CLIP2: variants seen among roughly 807,000 people sequenced by gnomAD.
CLIP2 encodes CAP-Gly domain containing linker protein 2, also known as CAP-Gly domain-containing linker protein 2.
Under a neutral mutation model 111.7 loss-of-function variants are expected in CLIP2, and 41 were observed. That is an observed-to-expected ratio of 0.37 (90% CI 0.29 to 0.48). The LOEUF is 0.48. Ranked by LOEUF, CLIP2 falls within the 20% of genes least tolerant of loss-of-function variation. CLIP2 has a pLI of 0.99. For missense variants in CLIP2, 1,160 were observed against 1,422.1 expected, an observed-to-expected ratio of 0.82 and a Z score of 2.96; for synonymous variants, 660 against 644.2, an observed-to-expected ratio of 1.02 and a Z score of -0.37.
chr7:74,369,401 C>G (rs1790543680), intron 8 of CLIP2, among the ~76,000 whole-genome samples: 3 of 151,078 alleles, frequency 2.0e-5, no homozygotes, highest in Non-Finnish European at 4.4e-5. Context: ...AAAAATCCAC[C>G]AGGCATGGTA....
rs782614967 is a variant in CLIP2, at chr7:74,376,018, C to T, written c.1617C>T (p.Ala539=). 12 of 1,612,682 alleles carry T rather than the reference C, an allele frequency of 7.4e-6. No individual in the cohort carries two copies. The highest frequency in any genetic ancestry group is 4.0e-5 in the African/African-American group (3 of 74,922). ...SGPPPPDHPD[A]AEILRLRERL... is the part of the protein sequence containing the mutation. Reference sequence around the variant, plus strand: ...CCCCACCTCCGGACCACCCAGACGCCGCCGAGATCCTGCGGCTACGGGAGC... The same window carrying T: ...CCCCACCTCCGGACCACCCAGACGCTGCCGAGATCCTGCGGCTACGGGAGC... The change falls in exon 10 of 17, where the codon GCC becomes GCT. Residue 539 remains alanine (A), a synonymous_variant. Coordinates refer to ENST00000223398, the MANE Select transcript of CLIP2 (RefSeq NM_003388.5). The surrounding 1 kb of genome is among the most constrained non-coding windows in gnomAD (Gnocchi z 7.1).
chr7:74,314,198 T>G (rs75326091), intron 1 of CLIP2, among the ~76,000 whole-genome samples: 10 of 90,476 alleles, frequency 1.1e-4, no homozygotes, highest in Admixed American at 1.1e-4. Context: ...AAAAAAAAAT[T>G]GGGGAAAAGG....
intron 11 of CLIP2, among the ~76,000 whole-genome samples, chr7:74,381,967 C>G (rs1790956440): frequency 6.6e-6 from 1 of 152,202 alleles, no homozygotes; most frequent in Admixed American, 6.5e-5. Flanking sequence ...TGTTTCCCCT[C>G]AAACTCCCAT....
chr7:74,354,036 G>A (rs1243821090), intron 4 of CLIP2, 32 bp downstream of exon 4: 1 of 1,590,092 alleles, frequency 6.3e-7, no homozygotes, highest in Non-Finnish European at 8.6e-7. Flanking sequence ...GAGTATGGGA[G>A]GGGGCTCCTC....
Position 74,373,008 on chromosome 7 carries a change from G to C in CLIP2, c.1457G>C (p.Arg486Pro). ...CTACTGGAGAAGGCGCAGGCCGAGC[G>C]GCTGCTCCGAGAATTAGCGGACAAC... Reference protein sequence around the residue: ...SLLLEKAQAERLLRELADNRL... With the variant: ...SLLLEKAQAEPLLRELADNRL... The change falls in exon 9 of 17, where the codon CGG becomes CCG. Residue 486 changes from arginine (R) to proline (P), a missense_variant. This residue lies in a region of CLIP2 where 676 missense variants were observed against 777.8 expected (regional missense o/e 0.87). Transcript: ENST00000223398. 1 of 1,592,352 alleles carries C rather than the reference G, an allele frequency of 6.3e-7. No homozygotes were observed. Among genetic ancestry groups the C allele is most frequent in the Non-Finnish European group, 8.5e-7 (1 of 1,171,528 alleles).
intron 2 of CLIP2, among the ~76,000 whole-genome samples, chr7:74,326,332 G>A (rs978685955): frequency 3.9e-5 from 6 of 152,150 alleles, no homozygotes; most frequent in Non-Finnish European, 5.9e-5. Flanking sequence ...CAGACTGAGC[G>A]CCTGCTGCCT....
intron 11 of CLIP2, 196 bp from the exon 12 acceptor site, chr7:74,386,325 C>A: frequency 2.2e-6 from 1 of 455,190 alleles, no homozygotes. Context: ...CAGGCATGAG[C>A]CACCACGCCC....
intron 13 of CLIP2, among the ~76,000 whole-genome samples, chr7:74,393,926 C>T (rs577583399): frequency 2.6e-5 from 4 of 152,220 alleles, no homozygotes; most frequent in South Asian, 2.1e-4. Flanking sequence ...CCAGGGCTGC[C>T]CTCCCTCCCC....
At chr7:74,399,071 G>T (rs560912195) in intron 14 of CLIP2, among the ~76,000 whole-genome samples, 1 of 152,342 alleles carries the variant, frequency 6.6e-6, no homozygotes, top group South Asian at 2.1e-4. Context: ...TGGAGGTTCT[G>T]TTGGGAGGTG....
At chr7:74,384,179 G>A (rs1791018124) in intron 11 of CLIP2, among the ~76,000 whole-genome samples, 1 of 151,994 alleles carries the variant, frequency 6.6e-6, no homozygotes, top group South Asian at 2.1e-4. Flanking sequence ...GACAGAGTGA[G>A]ACTCCATCTC....
At chr7:74,383,053 C>G (rs1790989495) in intron 11 of CLIP2, among the ~76,000 whole-genome samples, 1 of 144,726 alleles carries the variant, frequency 6.9e-6, no homozygotes, top group Non-Finnish European at 1.5e-5. Context: ...GCACTCCAGC[C>G]TGAGCAATAG....
chr7:74,305,854 A>ACCCCCCCC (rs1554727659), intron 1 of CLIP2, among the ~76,000 whole-genome samples: 2 of 54,514 alleles, frequency 3.7e-5, no homozygotes, highest in African/African-American at 1.1e-4. Flanking sequence ...CCTGCACCCC[A>ACCCCCCCC]ACCCCCCCCC....
intron 16 of CLIP2, 127 bp from the exon 17 acceptor site, chr7:74,403,710 A>T: frequency 1.1e-6 from 1 of 920,420 alleles, no homozygotes; most frequent in South Asian, 1.3e-5. Flanking sequence ...GGGCCTTGGC[A>T]CATGCAGTTC....
At chr7:74,330,944 C>T (rs1322648632) in intron 2 of CLIP2, among the ~76,000 whole-genome samples, 36 of 151,846 alleles carry the variant, frequency 2.4e-4, no homozygotes, top group Non-Finnish European at 7.4e-5. Context: ...ATGGCTCACA[C>T]CTGTAATCCT....
In CLIP2 at chr7:74,368,174, C is replaced by G. The variant is rs144846789; in HGVS notation, c.1380+3859C>G. ...GCTGCAGTGAGCTGTGATCACACCACTGTACTCCAGCCTGGGCAACAAAGC... is the reference window on the plus strand; with the variant it reads ...GCTGCAGTGAGCTGTGATCACACCAGTGTACTCCAGCCTGGGCAACAAAGC... On this transcript the variant is annotated intron_variant, in intron 8 of 16. Transcript: ENST00000223398. 9.0e-3 allele frequency among the ~76,000 whole-genome samples: 1,362 copies of G among 151,910 alleles called. 14 individuals carry two copies. Among genetic ancestry groups the G allele is most frequent in the Non-Finnish European group, 0.016 (1,099 of 67,956 alleles).
chr7:74,329,865 T>C (rs1345036611), intron 2 of CLIP2, among the ~76,000 whole-genome samples: 6 of 152,030 alleles, frequency 3.9e-5, no homozygotes, highest in African/African-American at 7.2e-5. Flanking sequence ...CTGCAACCTC[T>C]GCCTCCTGGG....
intron 8 of CLIP2, among the ~76,000 whole-genome samples, chr7:74,372,568 A>G (rs1163350206): frequency 6.6e-6 from 1 of 150,910 alleles, no homozygotes; most frequent in Non-Finnish European, 1.5e-5. Context: ...AGGACCTTCA[A>G]GGTCAAGGGC....
intron 1 of CLIP2, among the ~76,000 whole-genome samples, chr7:74,317,030 T>C (rs1458138473): frequency 6.6e-5 from 10 of 152,200 alleles, no homozygotes; most frequent in African/African-American, 2.4e-4. Flanking sequence ...CAGGCCACTG[T>C]ACCCAGTCTA....
intron 13 of CLIP2, among the ~76,000 whole-genome samples, chr7:74,393,107 G>A (rs111310100): frequency 2.5e-4 from 37 of 149,974 alleles, no homozygotes; most frequent in Middle Eastern, 3.5e-3. Flanking sequence ...GCGATCTCAG[G>A]TCACTGCAAC....
Sources: allele counts gnomAD v4.1 joint callset (sites outside exome capture counted in the v4.1 genomes callset), GRCh38; gene constraint gnomAD v4.1.1; regional missense constraint gnomAD v4.1.1; non-coding constraint Gnocchi (gnomAD v3.1); transcripts MANE v1.5; gene names NCBI Gene and HGNC (gene_info 2026-07-23, HGNC 2026-07-21).